The following KAZN variants were observed in gnomAD, a reference collection of about 807,000 sequenced individuals.
The protein encoded by KAZN is kazrin.
Under a neutral mutation model 87.4 loss-of-function variants are expected in KAZN, and 40 were observed. The observed-to-expected ratio is 0.46, with a 90% confidence interval of 0.36 to 0.60. KAZN has a LOEUF of 0.60. Among genes scored for constraint, KAZN ranks in the 20% least tolerant of loss-of-function variants. The pLI is 0.00. For synonymous variants in KAZN, 466 were observed against 458.3 expected (o/e 1.02, Z -0.22); for missense variants, 898 against 1,073.9 (o/e 0.84, Z 2.29).
rs747991679 is a variant in KAZN, at chr1:14,599,031, A to C, written c.34A>C (p.Ile12Leu). ...AGACAATAAGCAGCTCGCGCTCCGC[A>C]TCGATGGGGCGGTCCAGTCGGCCAG... ...MEDNKQLALR[I>L]DGAVQSASQE... is the part of the protein sequence containing the mutation. Residue 12 changes from isoleucine (I) to leucine (L), a missense_variant, in exon 1 of 15, where the codon ATC becomes CTC. Physicochemically the swap from Ile to Leu is conservative, Grantham distance 5. Coordinates refer to ENST00000376030, the MANE Select transcript of KAZN (RefSeq NM_201628.3). This position sits in a 1 kb window ranked among gnomAD's most constrained non-coding sequence, Gnocchi z 4.4. 9 of 1,570,190 alleles carry C rather than the reference A, an allele frequency of 5.7e-6. No homozygotes were observed. Among genetic ancestry groups the C allele is most frequent in the Non-Finnish European group, 6.9e-6 (8 of 1,162,200 alleles).
chr1:14,576,993 T>C (rs1347054178), intron 2 of KAZN, among the ~76,000 whole-genome samples: 2 of 152,216 alleles, frequency 1.3e-5, no homozygotes, highest in Non-Finnish European at 2.9e-5. Flanking sequence ...TAAGAACTGG[T>C]AAATAGGGCT....
chr1:13,988,994 G>T (rs1639154065), intron 1 of KAZN, among the ~76,000 whole-genome samples: 1 of 152,058 alleles, frequency 6.6e-6, no homozygotes, highest in Non-Finnish European at 1.5e-5. Context: ...TTGGCTTACA[G>T]TTACAGAGGC....
chr1:14,280,142 C>G (rs1350823776), intron 2 of KAZN, among the ~76,000 whole-genome samples: 1 of 151,908 alleles, frequency 6.6e-6, no homozygotes, highest in East Asian at 1.9e-4. Context: ...GTGGGTGGAT[C>G]ACAAGGTCAA....
At chr1:14,459,257 G>A (rs1413817586) in intron 2 of KAZN, among the ~76,000 whole-genome samples, 2 of 97,486 alleles carry the variant, frequency 2.1e-5, no homozygotes, top group Non-Finnish European at 4.6e-5. Flanking sequence ...TGGTGTGTGT[G>A]CGCGTGTGTG....
In KAZN at chr1:14,576,887, A is replaced by G. The variant is rs757367915; in HGVS notation, c.250-22096A>G. 4.6e-5 allele frequency among the ~76,000 whole-genome samples: 7 copies of G among 152,236 alleles called. No homozygotes were observed. The South Asian group carries it at 1.2e-3, about 27-fold the overall frequency. The stretch of plus-strand genomic sequence containing the variant: ...CCTAGTCAATTTGTCTACTCCTCCC[A>G]TACCACCTGGTTCCTGCCTATATCC... On this transcript the variant is annotated intron_variant, in intron 2 of 16. Transcript: ENST00000636203.
At chr1:14,880,968 G>A (rs1653276400) in intron 1 of KAZN, among the ~76,000 whole-genome samples, 1 of 152,218 alleles carries the variant, frequency 6.6e-6, no homozygotes, top group Non-Finnish European at 1.5e-5. Flanking sequence ...CCGGTGAATA[G>A]CCTCCAGTTA....
intron 1 of KAZN, among the ~76,000 whole-genome samples, chr1:14,635,204 GA>G (rs1199590466): frequency 6.6e-6 from 1 of 152,238 alleles, no homozygotes; most frequent in African/African-American, 2.4e-5. Context: ...GCACAGTTCT[GA>G]AATGCGGACA....
At chr1:14,136,406 G>T (rs1359863009) in intron 1 of KAZN, among the ~76,000 whole-genome samples, 1 of 152,130 alleles carries the variant, frequency 6.6e-6, no homozygotes, top group Non-Finnish European at 1.5e-5. Flanking sequence ...TGTGTGGAAA[G>T]CTTCATAAAG....
chr1:14,839,756 T>C lies in KAZN; in HGVS notation c.227-120928T>C, dbSNP rs376343804. ...CTGACTAATCCTCACCCTGACGTCC[T>C]TGATGGCCAGCACAGCGTAGATGCT... On this transcript the variant is annotated intron_variant, in intron 1 of 14. Coordinates refer to ENST00000376030, the MANE Select transcript of KAZN (RefSeq NM_201628.3). 2.8e-4 allele frequency among the ~76,000 whole-genome samples: 43 copies of C among 152,302 alleles called. 1 individual carries two copies. In the East Asian group the frequency reaches 7.5e-3, roughly 27 times the overall value.
At chr1:14,129,746 G>T (rs190890110) in intron 1 of KAZN, among the ~76,000 whole-genome samples, 2 of 152,196 alleles carry the variant, frequency 1.3e-5, no homozygotes, top group African/African-American at 4.8e-5. Flanking sequence ...AAACAGGGCA[G>T]GGGATGTGGG....
At chr1:14,685,545 G>A (rs1346669947) in intron 1 of KAZN, among the ~76,000 whole-genome samples, 1 of 152,206 alleles carries the variant, frequency 6.6e-6, no homozygotes, top group South Asian at 2.1e-4. Flanking sequence ...TGCTCTTGGC[G>A]GCATTCGGCT....
chr1:15,114,403 C>T lies in KAZN; in HGVS notation c.2164-68C>T, dbSNP rs1641766618. ...AGAGCAATTAGAATTGGAGACATTTCCCAGACCTTCATTCTTAATTCTTGT... is the reference window on the plus strand; with the variant it reads ...AGAGCAATTAGAATTGGAGACATTTTCCAGACCTTCATTCTTAATTCTTGT... On this transcript the variant is annotated intron_variant, in intron 14 of 14. Transcript: ENST00000376030. 8 of 1,330,716 alleles carry T rather than the reference C, an allele frequency of 6.0e-6. No individual in the cohort carries two copies. The South Asian group carries it at 1.1e-4, about 18-fold the overall frequency. The allele number at this position is 1,330,716 out of a possible 1,614,324, so 82.4% of individuals were successfully genotyped here.
At position 14,735,339 on chromosome 1, in the gene KAZN, C is replaced by G. The variant is rs1005893634; in HGVS notation, c.226+136116C>G. 6.6e-6 allele frequency among the ~76,000 whole-genome samples: 1 copy of G among 152,172 alleles called. No individual in the cohort carries two copies. The highest frequency in any genetic ancestry group is 1.5e-5 in the Non-Finnish European group (1 of 68,038). On this transcript the variant is annotated intron_variant, in intron 1 of 14. Coordinates refer to ENST00000376030, the MANE Select transcript of KAZN (RefSeq NM_201628.3). This position sits in a 1 kb window ranked among gnomAD's most constrained non-coding sequence, Gnocchi z 4.3. ...CCTCCCAAAGTGCTGGGATTACAGG[C>G]GTGAGCCACCGCGCCCGGCCCGTGC...
At chr1:14,656,469 C>T (rs1170868551) in intron 1 of KAZN, among the ~76,000 whole-genome samples, 4 of 152,204 alleles carry the variant, frequency 2.6e-5, no homozygotes, top group Admixed American at 2.6e-4. Flanking sequence ...TACTTACGTG[C>T]CAGATGCTCA....
At chr1:15,112,810 G>T (rs1641698173) in intron 14 of KAZN, 1 of 338,888 alleles carries the variant, frequency 3.0e-6, no homozygotes, top group Non-Finnish European at 5.5e-6. Flanking sequence ...AATCACCTGG[G>T]GCTATTACTG....
chr1:14,275,145 G>A (rs143724930), intron 2 of KAZN, among the ~76,000 whole-genome samples: 1 of 152,220 alleles, frequency 6.6e-6, no homozygotes, highest in East Asian at 1.9e-4. Context: ...CCAATATCTT[G>A]AAGTCTCTTC....
At chr1:14,289,225 C>G (rs1653490720) in intron 2 of KAZN, among the ~76,000 whole-genome samples, 1 of 152,168 alleles carries the variant, frequency 6.6e-6, no homozygotes, top group Non-Finnish European at 1.5e-5. Context: ...GGTTCAAGTC[C>G]TGGATATCCT....
At chr1:13,966,959 G>A (rs931216905) in intron 1 of KAZN, among the ~76,000 whole-genome samples, 3 of 152,222 alleles carry the variant, frequency 2.0e-5, no homozygotes, top group South Asian at 2.1e-4. Flanking sequence ...TACAATGTAT[G>A]TCTTAAATCA....
intron 2 of KAZN, among the ~76,000 whole-genome samples, chr1:14,426,142 A>G (rs929028984): frequency 5.9e-5 from 9 of 152,108 alleles, no homozygotes; most frequent in Non-Finnish European, 1.3e-4. Flanking sequence ...TCTTCCTCAG[A>G]CACACCAAGC....
Sources: gnomAD v4.1 joint callset for allele counts (sites outside exome capture counted in the v4.1 genomes callset) on GRCh38, gnomAD v4.1.1 for gene constraint, Gnocchi (gnomAD v3.1) non-coding constraint, MANE v1.5 for transcripts, NCBI Gene and HGNC (gene_info 2026-07-23, HGNC 2026-07-21) for gene names.